Variants in ANKRD60 observed in about 807,000 individuals in gnomAD.
ANKRD60 encodes the protein ankyrin repeat domain 60, also known as ankyrin repeat domain-containing protein 60.
Under a neutral mutation model 21.3 loss-of-function variants are expected in ANKRD60, and 24 were observed. That is an observed-to-expected ratio of 1.13 (90% CI 0.82 to 1.59). The LOEUF is 1.59. Ranked by LOEUF, ANKRD60 falls within the 40% of genes most tolerant of loss-of-function variation. ANKRD60 has a pLI of 0.00. For missense variants in ANKRD60, 490 were observed against 466.7 expected (o/e 1.05, Z -0.46); for synonymous variants, 182 against 199.4 (o/e 0.91, Z 0.74).
downstream of ANKRD60, among the ~76,000 whole-genome samples, chr20:58,217,914 C>G (rs139811497): frequency 9.1e-4 from 139 of 152,284 alleles, 1 homozygote; most frequent in Middle Eastern, 6.8e-3. Context: ...GAGTAATAAG[C>G]CATCCCTTCT....
downstream of ANKRD60, among the ~76,000 whole-genome samples, chr20:58,216,333 T>C (rs944438594): frequency 2.0e-5 from 3 of 152,188 alleles, no homozygotes; most frequent in African/African-American, 7.2e-5. Context: ...TGGGGGTAGA[T>C]GAAGATAGAA....
Position 58,228,183 on chromosome 20 carries a change from C to T in ANKRD60, c.430+41G>A. 1 of 1,503,670 alleles carries T rather than the reference C, an allele frequency of 6.7e-7. No homozygotes were observed. Among genetic ancestry groups the T allele is most frequent in the Non-Finnish European group, 9.0e-7 (1 of 1,116,260 alleles). The allele number at this position is 1,503,670 out of a possible 1,614,324, so 93.1% of individuals were successfully genotyped here. ...ATCCACTTCAGAAGTGGACAGGGTG[C>T]CCTTGCATGTGGCCAGGGAAGGAGT... On this transcript the variant is annotated intron_variant, in intron 1 of 3. Transcript: ENST00000457363. The surrounding 1 kb of genome is among the most constrained non-coding windows in gnomAD (Gnocchi z 5.3).
rs1305100303 is a variant in ANKRD60, at chr20:58,228,247, T to C, written c.407A>G (p.Gln136Arg). Residue 136 changes from glutamine to arginine, a missense_variant, in exon 1 of 4, where the codon CAG becomes CGG. Gln to Arg is a conservative substitution (Grantham distance 43). Coordinates refer to ENST00000457363, the Ensembl canonical transcript of ANKRD60. The surrounding 1 kb of genome is among the most constrained non-coding windows in gnomAD (Gnocchi z 5.3). Reference sequence around the variant, plus strand: ...ACCTTCGTCGAGGTACTGGAGCCGCTGGAGGTTGAAGGGGATGCCGACCAT... The same window carrying C: ...ACCTTCGTCGAGGTACTGGAGCCGCCGGAGGTTGAAGGGGATGCCGACCAT... The C allele has an allele frequency of 9.7e-6, 15 of 1,550,280 alleles. No individual in the cohort carries two copies. The highest frequency in any genetic ancestry group is 1.3e-5 in the Non-Finnish European group (15 of 1,146,246).
rs779405778 is a variant in ANKRD60, at chr20:58,228,237, C to T, written c.417G>A (p.Gln139=). 1.5e-5 allele frequency: 24 copies of T among 1,549,420 alleles called. No homozygotes were observed. Among genetic ancestry groups the T allele is most frequent in the South Asian group, 9.5e-5 (8 of 83,806 alleles). The change falls in exon 1 of 4, where the codon CAG becomes CAA. Residue 139 remains glutamine (Q), a synonymous_variant. Transcript: ENST00000457363. This position sits in a 1 kb window ranked among gnomAD's most constrained non-coding sequence, Gnocchi z 5.3. ...GGCAGGAGCCACCTTCGTCGAGGTA[C>T]TGGAGCCGCTGGAGGTTGAAGGGGA...
intron 1 of ANKRD60, among the ~76,000 whole-genome samples, chr20:58,223,464 G>A (rs1984303646): frequency 6.6e-6 from 1 of 152,210 alleles, no homozygotes; most frequent in East Asian, 1.9e-4. Context: ...AAAGGCACAT[G>A]AGTCAGTAAA....
In ANKRD60 at chr20:58,221,340, T is replaced by C. The variant is rs1472992546; in HGVS notation, c.725A>G (p.His242Arg). Residue 242 changes from histidine to arginine, a missense_variant and splice_region_variant, in exon 3 of 4, where the codon CAC becomes CGC. By Grantham distance (29) the His-to-Arg change is conservative (BLOSUM62 0). Coordinates refer to ENST00000457363, the Ensembl canonical transcript of ANKRD60. Reference sequence around the variant, plus strand: ...AGCAAGCTTTCTACCAGAATTACCGTGTTCTAGAAGGTACTGCACAGCATC... The same window carrying C: ...AGCAAGCTTTCTACCAGAATTACCGCGTTCTAGAAGGTACTGCACAGCATC... 3 of 1,548,450 alleles carry C rather than the reference T, an allele frequency of 1.9e-6. No homozygotes were observed. The South Asian group carries it at 3.6e-5, about 19-fold the overall frequency.
downstream of ANKRD60, among the ~76,000 whole-genome samples, chr20:58,218,306 T>C (rs1181209145): frequency 6.6e-6 from 1 of 152,236 alleles, no homozygotes; most frequent in African/African-American, 2.4e-5. Context: ...GATTACTAAA[T>C]GAGCACAGGC....
chr20:58,226,239 A>T (rs759212449), intron 1 of ANKRD60, among the ~76,000 whole-genome samples: 1 of 152,172 alleles, frequency 6.6e-6, no homozygotes, highest in Non-Finnish European at 1.5e-5. Context: ...TTCTGATTAA[A>T]GTAAGGTTTG....
At chr20:58,221,643 T>C (rs1442286411) in intron 2 of ANKRD60, 140 bp from the exon 3 acceptor site, 7 of 969,802 alleles carry the variant, frequency 7.2e-6, no homozygotes, top group Non-Finnish European at 1.0e-5. Context: ...GTGCAAACCC[T>C]CATGAAAAGC....
At chr20:58,220,666 A>G (rs1460480206) in intron 3 of ANKRD60, among the ~76,000 whole-genome samples, 1 of 150,322 alleles carries the variant, frequency 6.7e-6, no homozygotes, top group East Asian at 2.0e-4. Flanking sequence ...AAGGTGGACT[A>G]TTTTGGGGTT....
In ANKRD60 at chr20:58,223,037, G is replaced by C; in HGVS notation, c.561+15C>G. On this transcript the variant is annotated intron_variant, in intron 2 of 3. Transcript: ENST00000457363. ...TCGTAACGTATAATATCCATTTAAA[G>C]AAGCTTGAAAACACCTTGCTGGGAT... The C allele has an allele frequency of 6.5e-7, 1 of 1,541,632 alleles. No homozygotes were observed.
chr20:58,220,776 G>A (rs1369040744), intron 3 of ANKRD60, among the ~76,000 whole-genome samples: 5 of 151,618 alleles, frequency 3.3e-5, no homozygotes, highest in Admixed American at 2.0e-4. Flanking sequence ...CTACAGGTAC[G>A]TGCCACCACA....
At chr20:58,226,046 G>A (rs991334564) in intron 1 of ANKRD60, among the ~76,000 whole-genome samples, 8 of 152,134 alleles carry the variant, frequency 5.3e-5, no homozygotes, top group African/African-American at 1.7e-4. Flanking sequence ...GGGAACTTTC[G>A]GTTCTGGGTT....
chr20:58,222,346 C>T (rs942788400), intron 2 of ANKRD60, among the ~76,000 whole-genome samples: 6 of 152,140 alleles, frequency 3.9e-5, no homozygotes, highest in Admixed American at 6.5e-5. Flanking sequence ...CCCGAGCCCA[C>T]GCACTCTTCC....
chr20:58,224,554 T>C (rs1984328588), intron 1 of ANKRD60, among the ~76,000 whole-genome samples: 1 of 152,210 alleles, frequency 6.6e-6, no homozygotes, highest in South Asian at 2.1e-4. Flanking sequence ...CACTGACTTC[T>C]CACTCTTGGC....
rs1310131942 is a variant in ANKRD60, at chr20:58,228,095, T to C, written c.430+129A>G. ...CCCTTCCATCTGGGTTTCAGGGTGG[T>C]TGGGTTTCAGGGGTTTGCTTTGACA... On this transcript the variant is annotated intron_variant, in intron 1 of 3. Transcript: ENST00000457363. The surrounding 1 kb of genome is among the most constrained non-coding windows in gnomAD (Gnocchi z 5.3). 5.4e-6 allele frequency: 5 copies of C among 926,518 alleles called. No individual in the cohort carries two copies. The highest frequency in any genetic ancestry group is 7.9e-6 in the Non-Finnish European group (5 of 631,328). 57.4% of individuals were successfully genotyped at this position (926,518 alleles called of 1,614,324 possible).
At chr20:58,219,030 G>A (rs1984191896) in intron 3 of ANKRD60, among the ~76,000 whole-genome samples, 1 of 152,096 alleles carries the variant, frequency 6.6e-6, no homozygotes, top group South Asian at 2.1e-4. Context: ...CGGCTGTGGG[G>A]TGATGTTCTA....
In ANKRD60 at chr20:58,224,782, G is replaced by A. The variant is rs150412032; in HGVS notation, c.431-1600C>T. Among the ~76,000 whole-genome samples the A allele has an allele frequency of 3.1e-3, 472 of 152,344 alleles. 2 individuals are homozygous for A. Among genetic ancestry groups the A allele is most frequent in the Admixed American group, 5.2e-3 (79 of 15,304 alleles). ...GGCAAGAGTAAAACTCCCACATGCT[G>A]AACAGCCCCTGTAGAGATCGGAGTA... On this transcript the variant is annotated intron_variant, in intron 1 of 3. Transcript: ENST00000457363.
At chr20:58,227,102 C>G (rs1334715783) in intron 1 of ANKRD60, among the ~76,000 whole-genome samples, 4 of 152,154 alleles carry the variant, frequency 2.6e-5, no homozygotes, top group African/African-American at 9.7e-5. Context: ...TCTTGGCATC[C>G]TTGTGTGGAC....
Sources: allele counts gnomAD v4.1 joint callset (sites outside exome capture counted in the v4.1 genomes callset), GRCh38; gene constraint gnomAD v4.1.1; non-coding constraint Gnocchi (gnomAD v3.1); transcripts MANE v1.5; gene names NCBI Gene and HGNC (gene_info 2026-07-23, HGNC 2026-07-21).